TRPV1: variants seen among roughly 807,000 people sequenced by gnomAD.
TRPV1 encodes transient receptor potential cation channel subfamily V member 1.
A neutral mutation model predicts 82.3 loss-of-function variants in TRPV1; 82 were observed. The observed-to-expected ratio is 1.00, with a 90% CI of 0.83 to 1.20. The LOEUF (loss-of-function observed/expected upper bound fraction) is 1.20, where lower values mean the gene tolerates loss of function less well. TRPV1 is among the 50% of genes most tolerant of loss of function. TRPV1 has a pLI of 0.00. For synonymous variants in TRPV1, 515 were observed against 467.7 expected, an observed-to-expected ratio of 1.10 and a Z score of -1.30; for missense variants, 1,067 against 1,096.8, an observed-to-expected ratio of 0.97 and a Z score of 0.38.
At chr17:3,587,728 G>A (rs748124227) in intron 8 of TRPV1, among the ~76,000 whole-genome samples, 9 of 151,768 alleles carry the variant, frequency 5.9e-5, no homozygotes, top group Non-Finnish European at 8.8e-5. Flanking sequence ...GAGGAGAATC[G>A]CTTGAACCCG....
chr17:3,583,308 G>T (rs773191907), intron 10 of TRPV1, 30 bp downstream of exon 10: 2 of 1,566,494 alleles, frequency 1.3e-6, no homozygotes, highest in Admixed American at 3.7e-5. Flanking sequence ...GGTGATAATG[G>T]AAACTCACAA....
At chr17:3,576,668 A>AAT (rs1555549458) in intron 13 of TRPV1, among the ~76,000 whole-genome samples, 538 of 38,398 alleles carry the variant, frequency 0.014, 21 homozygotes, top group Middle Eastern at 0.031. Context: ...AAAAAAAAAA[A>AAT]ATATATATAT....
Position 3,577,110 on chromosome 17 carries a change from TGACCAAGC to T in TRPV1, c.1780+8_1780+15del. ...CAGGACCCCTGCCCTCCCCCAGCGCTGACCAAGCTCATTACCTGTGGAAAACCCGAACA... is the reference window on the plus strand; with the variant it reads ...CAGGACCCCTGCCCTCCCCCAGCGCTTCATTACCTGTGGAAAACCCGAACA... On this transcript the variant is annotated splice_region_variant and intron_variant, in intron 13 of 16. Coordinates refer to ENST00000572705, the MANE Select transcript of TRPV1 (RefSeq NM_080704.4). 6.3e-7 allele frequency: 1 copy of T among 1,575,808 alleles called. No individual in the cohort carries two copies. The highest frequency in any genetic ancestry group is 8.6e-7 in the Non-Finnish European group (1 of 1,161,084).
In TRPV1 at chr17:3,584,404, AAAAAAAAAAAAATAAAAT is replaced by A. The variant is rs1007090212; in HGVS notation, c.1384-992_1384-975del. On this transcript the variant is annotated intron_variant, in intron 9 of 16. Coordinates refer to ENST00000572705, the MANE Select transcript of TRPV1 (RefSeq NM_080704.4). Reference sequence around the variant, plus strand: ...GAAAACAGAGAGAGACTCTGTCTCAAAAAAAAAAAAAATAAAATAAAAAAAAAAGGAAGTCATTATGTG... The same window carrying A: ...GAAAACAGAGAGAGACTCTGTCTCAAAAAAAAAAAAGGAAGTCATTATGTG... Among the ~76,000 whole-genome samples, 196 of 43,738 alleles carry A rather than the reference AAAAAAAAAAAAATAAAAT, an allele frequency of 4.5e-3. 3 individuals carry two copies. Among genetic ancestry groups the A allele is most frequent in the African/African-American group, 0.017 (185 of 10,866 alleles). 28.7% of individuals were successfully genotyped at this position (43,738 alleles called of 152,430 possible). A position where few individuals can be genotyped will look rare whatever the true frequency, so the allele number is the denominator to read the frequency against.
intron 13 of TRPV1, among the ~76,000 whole-genome samples, chr17:3,576,705 C>T (rs1317908281): frequency 4.5e-5 from 5 of 111,066 alleles, no homozygotes; most frequent in South Asian, 6.1e-4. Flanking sequence ...AAAAACTAGC[C>T]GGGCATGGTC....
intron 16 of TRPV1, among the ~76,000 whole-genome samples, chr17:3,568,320 TC>T: frequency 8.2e-6 from 1 of 122,076 alleles, no homozygotes; most frequent in Non-Finnish European, 1.6e-5. Context: ...AGACTCCGTC[TC>T]AAAAAAAAAA....
At chr17:3,584,169 C>T (rs1218168060) in intron 9 of TRPV1, among the ~76,000 whole-genome samples, 2 of 151,936 alleles carry the variant, frequency 1.3e-5, no homozygotes, top group Admixed American at 6.6e-5. Context: ...ACTTGGGAGA[C>T]AGAAGAATCA....
chr17:3,592,518 C>G, intron 2 of TRPV1, 135 bp from the exon 3 acceptor site: 1 of 887,066 alleles, frequency 1.1e-6, no homozygotes, highest in Non-Finnish European at 1.7e-6. Context: ...CCCCAGCCCC[C>G]TAGAACTGAA....
At position 3,573,869 on chromosome 17, in the gene TRPV1, G is replaced by T. The variant is rs1453221878; in HGVS notation, c.1867C>A (p.Pro623Thr). ...SHRWRGPACRPPDSSYNSLYS... is the reference protein window; with the variant it reads ...SHRWRGPACRTPDSSYNSLYS... Reference sequence around the variant, plus strand: ...AGGCTGTTGTAGGAGCTATCGGGGGGCCTGCAGGCAGGCCCCCGCCACCTG... The same window carrying T: ...AGGCTGTTGTAGGAGCTATCGGGGGTCCTGCAGGCAGGCCCCCGCCACCTG... The change falls in exon 14 of 17, where the codon CCC becomes ACC. Residue 623 changes from proline to threonine, a missense_variant. Physicochemically the swap from Pro to Thr is conservative, Grantham distance 38. Transcript: ENST00000572705. The T allele has an allele frequency of 1.9e-6, 3 of 1,611,628 alleles. No individual in the cohort carries two copies. The highest frequency in any genetic ancestry group is 2.2e-5 in the South Asian group (2 of 90,936).
At chr17:3,596,891 G>C (rs199943197) in intron 2 of TRPV1, 1 of 152,322 alleles carries the variant, frequency 6.6e-6, no homozygotes, top group Non-Finnish European at 1.5e-5. Flanking sequence ...TGTCTGCATT[G>C]GCCATCAGAC....
Position 3,566,825 on chromosome 17 carries a change from C to A in TRPV1, c.2510G>T (p.Gly837Val). ...AEVFKSPAAS[G>V]EK The stretch of plus-strand genomic sequence containing the variant: ...GTCTGCGTGACGTCCTCACTTCTCC[C>A]CGGAAGCGGCAGGACTCTTGAAGAC... The change falls in exon 17 of 17, where the codon GGG becomes GTG. Residue 837 changes from glycine (G) to valine (V), a missense_variant. Physicochemically the swap from Gly to Val is moderately radical, Grantham distance 109. Coordinates refer to ENST00000572705, the MANE Select transcript of TRPV1 (RefSeq NM_080704.4). 1 of 1,613,782 alleles carries A rather than the reference C, an allele frequency of 6.2e-7. No homozygotes were observed. Among genetic ancestry groups the A allele is most frequent in the Non-Finnish European group, 8.5e-7 (1 of 1,179,798 alleles).
chr17:3,579,953 TG>T (rs1227085803), intron 11 of TRPV1, among the ~76,000 whole-genome samples: 5 of 98,908 alleles, frequency 5.1e-5, no homozygotes, highest in Non-Finnish European at 1.0e-4. Flanking sequence ...GACTGGGGGA[TG>T]GGGAAGCTCC....
At position 3,596,293 on chromosome 17, in the gene TRPV1, A is replaced by G. The variant is rs920270363; in HGVS notation, c.-33-3910T>C. Among the ~76,000 whole-genome samples, 4 of 138,754 alleles carry G rather than the reference A, an allele frequency of 2.9e-5. No homozygotes were observed. In the East Asian group the frequency reaches 7.7e-4, roughly 27 times the overall value. 91.0% of individuals were successfully genotyped at this position (138,754 alleles called of 152,430 possible). On this transcript the variant is annotated intron_variant, in intron 2 of 16. Coordinates refer to ENST00000572705, the MANE Select transcript of TRPV1 (RefSeq NM_080704.4). ...GCTCCCCTGCTCCTCTCTCTGCCCAAAGCATCCATCCATCCATCCATCCAT... is the reference window on the plus strand; with the variant it reads ...GCTCCCCTGCTCCTCTCTCTGCCCAGAGCATCCATCCATCCATCCATCCAT...
intron 13 of TRPV1, among the ~76,000 whole-genome samples, chr17:3,576,569 G>A (rs1249082245): frequency 7.4e-5 from 11 of 148,542 alleles, no homozygotes; most frequent in Non-Finnish European, 1.5e-4. Context: ...GGAGAATGGC[G>A]TGAACCCGGG....
Position 3,573,532 on chromosome 17 carries a change from G to GCCACCCCCCC in TRPV1, c.2103+100_2103+101insGGGGGGGTGG. 7.8e-6 allele frequency: 2 copies of GCCACCCCCCC among 257,076 alleles called. 1 individual carries two copies. Among genetic ancestry groups the GCCACCCCCCC allele is most frequent in the Non-Finnish European group, 1.5e-5 (2 of 130,288 alleles). The allele number at this position is 257,076 out of a possible 1,614,324, so 15.9% of individuals were successfully genotyped here. On this transcript the variant is annotated intron_variant, in intron 14 of 16. Transcript: ENST00000572705. Reference sequence around the variant, plus strand: ...GCCCATACCCTCCTGGCCACACACCGCCCCCACCACCCACCCACCTGCAGC... The same window carrying GCCACCCCCCC: ...GCCCATACCCTCCTGGCCACACACCGCCACCCCCCCCCCCCACCACCCACCCACCTGCAGC...
chr17:3,589,160 C>T (rs547614694), intron 7 of TRPV1, among the ~76,000 whole-genome samples: 1 of 150,922 alleles, frequency 6.6e-6, no homozygotes, highest in Non-Finnish European at 1.5e-5. Flanking sequence ...CTCCTGCCTG[C>T]CATGCTCCTG....
chr17:3,573,532 G>GA, intron 14 of TRPV1, 101 bp downstream of exon 14: 1 of 257,076 alleles, frequency 3.9e-6, no homozygotes, highest in Non-Finnish European at 7.7e-6. Context: ...GCCACACACC[G>GA]CCCCCACCAC....
At position 3,572,111 on chromosome 17, in the gene TRPV1, C is replaced by T. The variant is rs224549; in HGVS notation, c.2231+11G>A. On this transcript the variant is annotated intron_variant, in intron 15 of 16. Transcript: ENST00000572705. Reference sequence around the variant, plus strand: ...TCCCAAGCCCTGATTCAGGTGGAGCCTGGGCATTACCTGAAGCACCACCGG... The same window carrying T: ...TCCCAAGCCCTGATTCAGGTGGAGCTTGGGCATTACCTGAAGCACCACCGG... The T allele has an allele frequency of 0.98, 1,575,066 of 1,611,900 alleles. 775,903 individuals carry two copies. The highest frequency in any genetic ancestry group is 1 in the East Asian group (44,795 of 44,796).
intron 7 of TRPV1, chr17:3,589,109 C>G (rs2075120990): frequency 1.4e-6 from 1 of 736,404 alleles, no homozygotes; most frequent in Non-Finnish European, 2.3e-6. Context: ...GAGCCACCAG[C>G]TGGAGCTGGG....
Sources: gnomAD v4.1 joint callset for allele counts (sites outside exome capture counted in the v4.1 genomes callset) on GRCh38, gnomAD v4.1.1 for gene constraint, MANE v1.5 for transcripts, NCBI Gene and HGNC (gene_info 2026-07-23, HGNC 2026-07-21) for gene names.